CLIP1: variants seen among roughly 807,000 people sequenced by gnomAD.
CLIP1 encodes CAP-Gly domain containing linker protein 1, also known as CAP-Gly domain-containing linker protein 1.
A neutral mutation model predicts 161.6 loss-of-function variants in CLIP1; 66 were observed. The observed-to-expected ratio is 0.41, with a 90% CI of 0.33 to 0.50. The LOEUF is 0.50. Among genes scored for constraint, CLIP1 ranks in the 20% least tolerant of loss-of-function variants. The pLI is 0.27. For synonymous variants in CLIP1, 598 were observed against 626.2 expected, an observed-to-expected ratio of 0.96 and a Z score of 0.67; for missense variants, 1,376 against 1,702.0, an observed-to-expected ratio of 0.81 and a Z score of 3.37.
rs140634925 is a variant in CLIP1 at position 122,377,442 on chromosome 12, C to A, written c.604G>T (p.Ala202Ser). 3.7e-6 allele frequency: 6 copies of A among 1,613,998 alleles called. No individual in the cohort carries two copies. Among genetic ancestry groups the A allele is most frequent in the Non-Finnish European group, 5.1e-6 (6 of 1,180,026 alleles). Residue 202 changes from alanine (A) to serine (S), a missense_variant, in exon 3 of 26, where the codon GCT becomes TCT. Ala to Ser is a moderately conservative substitution (Grantham distance 99, BLOSUM62 1). Around this residue, in one of 6 missense-constraint regions of CLIP1, gnomAD observed 119 missense variants for 112.0 expected, o/e 1.06. Coordinates refer to ENST00000620786, the MANE Select transcript of CLIP1 (RefSeq NM_001247997.2). ...CTTTCTCCTTTCTTGATTGAGCCAG[C>A]CTCTGAAAGGTTGGAGATAGATTCA... ...ASESISNLSEAGSIKKGEREL... is the reference protein window; with the variant it reads ...ASESISNLSESGSIKKGEREL...
Position 122,357,528 on chromosome 12 carries a change from C to T in CLIP1, c.1006-2216G>A, listed in dbSNP as rs1374398439. On this transcript the variant is annotated intron_variant, in intron 5 of 25. Transcript: ENST00000620786. The stretch of plus-strand genomic sequence containing the variant: ...AGGTGGGGGGGGTCAGCCCGCCACC[C>T]GGCCAGCCGCCCCGTCCGGGAGGGA... Among the ~76,000 whole-genome samples, 93 of 148,648 alleles carry T rather than the reference C, an allele frequency of 6.3e-4. 3 individuals are homozygous for T. The South Asian group carries it at 0.019, about 30-fold the overall frequency.
rs1445943208 is a variant in CLIP1 at position 122,361,132 on chromosome 12, CTT to C, written c.830_831del (p.Lys277SerfsTer61). 6.2e-7 allele frequency: 1 copy of C among 1,614,100 alleles called. No homozygotes were observed. Among genetic ancestry groups the C allele is most frequent in the Non-Finnish European group, 8.5e-7 (1 of 1,180,000 alleles). On this transcript the variant is annotated frameshift_variant, in exon 5 of 26. Transcript: ENST00000620786. LOFTEE classifies it high-confidence loss of function. ...PKYGLFAPVH[K>X]VTKIGFPSTT... ...GTGGAAGGGAAGCCAATCTTGGTAACTTTGTGGACAGGAGCGAACAAGCCATA... is the reference window on the plus strand; with the variant it reads ...GTGGAAGGGAAGCCAATCTTGGTAACTGTGGACAGGAGCGAACAAGCCATA...
chr12:122,325,429 T>G (rs1951673945), intron 17 of CLIP1, among the ~76,000 whole-genome samples: 1 of 152,066 alleles, frequency 6.6e-6, no homozygotes, highest in Admixed American at 6.6e-5. Flanking sequence ...ATGTGGTGAG[T>G]GCAACTGAGG....
intron 1 of CLIP1, among the ~76,000 whole-genome samples, chr12:122,381,515 G>A (rs1395399741): frequency 6.6e-6 from 1 of 152,160 alleles, no homozygotes; most frequent in Non-Finnish European, 1.5e-5. Context: ...CATAGAAAGT[G>A]AATTGAAATT....
At chr12:122,403,324 C>G (rs906413118) in intron 1 of CLIP1, among the ~76,000 whole-genome samples, 13 of 152,028 alleles carry the variant, frequency 8.6e-5, no homozygotes, top group African/African-American at 3.1e-4. Flanking sequence ...CCCAGTAAAA[C>G]CGAGAGCTCA....
chr12:122,397,061 A>G (rs762126966), intron 1 of CLIP1, among the ~76,000 whole-genome samples: 30 of 147,622 alleles, frequency 2.0e-4, no homozygotes, highest in Non-Finnish European at 3.1e-4. Context: ...TTACAGGCGT[A>G]AGCCACCGTG....
At chr12:122,356,984 G>C (rs577753156) in intron 5 of CLIP1, among the ~76,000 whole-genome samples, 3 of 152,088 alleles carry the variant, frequency 2.0e-5, no homozygotes, top group African/African-American at 4.8e-5. Context: ...ATCTCGGCTC[G>C]CTACAACCTC....
At chr12:122,312,337 G>A (rs867904314) in intron 19 of CLIP1, among the ~76,000 whole-genome samples, 9 of 152,192 alleles carry the variant, frequency 5.9e-5, no homozygotes, top group Non-Finnish European at 2.9e-5. Context: ...ACTGAAAATA[G>A]GAGCTGGCTA....
chr12:122,419,805 G>C (rs957951897), intron 1 of CLIP1, among the ~76,000 whole-genome samples: 1 of 151,352 alleles, frequency 6.6e-6, no homozygotes, highest in African/African-American at 2.4e-5. Context: ...GTGCCGTGGT[G>C]TGTGCCTGTA....
In CLIP1 at chr12:122,293,787, G is replaced by T. The variant is rs866894334; in HGVS notation, c.3595-5246C>A. On this transcript the variant is annotated intron_variant, in intron 20 of 25. Coordinates refer to ENST00000620786, the MANE Select transcript of CLIP1 (RefSeq NM_001247997.2). ...GTTACCGTGCCCGGCCTGAGAATTT[G>T]TTTTTTTTTTTGTTTTTTGTTTTTT... is the stretch of plus-strand genomic sequence containing the variant. Among the ~76,000 whole-genome samples, 585 of 132,924 alleles carry T rather than the reference G, an allele frequency of 4.4e-3. 9 individuals carry two copies. The highest frequency in any genetic ancestry group is 0.016 in the African/African-American group (503 of 32,146). 87.2% of individuals were successfully genotyped at this position (132,924 alleles called of 152,430 possible).
chr12:122,326,870 A>G (rs1951730184), intron 17 of CLIP1, among the ~76,000 whole-genome samples: 1 of 152,224 alleles, frequency 6.6e-6, no homozygotes, highest in Non-Finnish European at 1.5e-5. Context: ...TATTTCACAG[A>G]AAGAAGAGAA....
chr12:122,390,279 CAT>C (rs1179187571), intron 1 of CLIP1, among the ~76,000 whole-genome samples: 3,716 of 78,862 alleles, frequency 0.047, 123 homozygotes, highest in African/African-American at 0.093. Context: ...TATATATATA[CAT>C]ATATATATAT....
chr12:122,274,302 C>G, intron 24 of CLIP1, 140 bp from the exon 25 acceptor site: 1 of 617,622 alleles, frequency 1.6e-6, no homozygotes, highest in Non-Finnish European at 2.8e-6. Context: ...GGAACCCATG[C>G]TTTTCACTCT....
At chr12:122,388,861 A>C (rs10734915) in intron 1 of CLIP1, among the ~76,000 whole-genome samples, 113,282 of 152,044 alleles carry the variant, frequency 0.75, 42,419 homozygotes, top group East Asian at 0.85. Flanking sequence ...AGGCATGAAC[A>C]ACTGCACCCA....
intron 1 of CLIP1, among the ~76,000 whole-genome samples, chr12:122,410,647 C>T (rs1214243316): frequency 6.6e-6 from 1 of 151,918 alleles, no homozygotes; most frequent in Non-Finnish European, 1.5e-5. Flanking sequence ...TTAGTAGAGA[C>T]AGGGTTTTGC....
At chr12:122,301,605 C>T (rs1259724085) in intron 20 of CLIP1, among the ~76,000 whole-genome samples, 3 of 152,128 alleles carry the variant, frequency 2.0e-5, no homozygotes, top group African/African-American at 4.8e-5. Context: ...ACCCGGGAGG[C>T]GGAGGTTGCA....
chr12:122,291,616 T>A (rs1288736342), intron 20 of CLIP1, among the ~76,000 whole-genome samples: 1 of 152,180 alleles, frequency 6.6e-6, no homozygotes, highest in Non-Finnish European at 1.5e-5. Flanking sequence ...ATCATGTACT[T>A]TTTGGCAGGA....
At chr12:122,325,725 C>T (rs1160722355) in intron 17 of CLIP1, among the ~76,000 whole-genome samples, 1 of 152,196 alleles carries the variant, frequency 6.6e-6, no homozygotes, top group African/African-American at 2.4e-5. Flanking sequence ...ACCATCTCAG[C>T]TCACTGCAGC....
intron 2 of CLIP1, among the ~76,000 whole-genome samples, chr12:122,378,915 C>G (rs1277970023): frequency 6.6e-6 from 1 of 152,030 alleles, no homozygotes; most frequent in Non-Finnish European, 1.5e-5. Context: ...CACCTGAGGT[C>G]GGGAGTTTGA....
Sources: allele counts gnomAD v4.1 joint callset (sites outside exome capture counted in the v4.1 genomes callset), GRCh38; gene constraint gnomAD v4.1.1; regional missense constraint gnomAD v4.1.1; transcripts MANE v1.5; gene names NCBI Gene and HGNC (gene_info 2026-07-23, HGNC 2026-07-21).